The following HSPBAP1 variants were observed in gnomAD, a reference collection of about 807,000 sequenced individuals.
HSPBAP1 encodes HSPB1-associated protein 1.
In HSPBAP1, 27 loss-of-function variants were observed where a neutral mutation model predicts 45.2. The observed-to-expected ratio is 0.60, with a 90% CI of 0.44 to 0.82. The LOEUF (loss-of-function observed/expected upper bound fraction) is 0.82, where lower values mean the gene tolerates loss of function less well. HSPBAP1 is among the 40% of genes least tolerant of loss of function. The pLI, the probability that HSPBAP1 is intolerant of heterozygous loss-of-function variation, is 0.00. For missense variants in HSPBAP1, 510 were observed against 590.9 expected (o/e 0.86, Z 1.42); for synonymous variants, 204 against 202.7 (o/e 1.01, Z -0.06).
intron 1 of HSPBAP1, among the ~76,000 whole-genome samples, chr3:122,780,691 G>A (rs1452486396): frequency 1.5e-4 from 20 of 134,720 alleles, no homozygotes; most frequent in African/African-American, 2.6e-4. Context: ...GGTGGCTGCC[G>A]GGCGGAGAGG....
intron 1 of HSPBAP1, among the ~76,000 whole-genome samples, chr3:122,783,388 C>A (rs1055512238): frequency 2.0e-5 from 3 of 152,114 alleles, no homozygotes; most frequent in African/African-American, 7.2e-5. Context: ...GCCTGGATTC[C>A]GCGTGTATGA....
At chr3:122,781,377 AC>A (rs1308345942) in intron 1 of HSPBAP1, among the ~76,000 whole-genome samples, 1 of 152,098 alleles carries the variant, frequency 6.6e-6, no homozygotes, top group Non-Finnish European at 1.5e-5. Flanking sequence ...ACACAGCGAA[AC>A]CCCGTCTCCA....
At chr3:122,771,858 C>A (rs1396208818) in intron 2 of HSPBAP1, among the ~76,000 whole-genome samples, 1 of 152,178 alleles carries the variant, frequency 6.6e-6, no homozygotes, top group Non-Finnish European at 1.5e-5. Context: ...AGACCTAAGA[C>A]CTAAAACAGA....
Position 122,740,594 on chromosome 3 carries a change from T to A in HSPBAP1, c.1218A>T (p.Arg406Ser), listed in dbSNP as rs1560100175. The change falls in exon 8 of 8, where the codon AGA (arginine) becomes AGT (serine). Residue 406 changes from arginine to serine, a missense_variant. Physicochemically the swap from Arg to Ser is moderately radical, Grantham distance 110. Coordinates refer to ENST00000306103, the MANE Select transcript of HSPBAP1 (RefSeq NM_024610.6). The part of the protein sequence containing the change: ...AQRSEEPPSE[R>S]GGIFGSDGKD... ...TCCCATCACTTCCAAATATGCCTCC[T>A]CTTTCTGAAGGCGGTTCTTCGGACC... The A allele has an allele frequency of 6.2e-7, 1 of 1,614,232 alleles. No individual in the cohort carries two copies. The highest frequency in any genetic ancestry group is 8.5e-7 in the Non-Finnish European group (1 of 1,180,042).
chr3:122,746,598 C>T (rs1365527892), intron 6 of HSPBAP1, among the ~76,000 whole-genome samples: 1 of 151,640 alleles, frequency 6.6e-6, no homozygotes, highest in African/African-American at 2.4e-5. Flanking sequence ...AAAATTAGAT[C>T]TCAGCTCTCT....
chr3:122,743,767 C>G (rs1933753444), intron 6 of HSPBAP1, among the ~76,000 whole-genome samples: 2 of 152,116 alleles, frequency 1.3e-5, no homozygotes, highest in African/African-American at 4.8e-5. Flanking sequence ...TGTGACAAAA[C>G]TTTTTTGTTT....
intron 6 of HSPBAP1, among the ~76,000 whole-genome samples, chr3:122,743,090 T>A (rs1486993566): frequency 5.9e-5 from 9 of 152,230 alleles, no homozygotes; most frequent in Non-Finnish European, 1.2e-4. Flanking sequence ...AACATTAGAT[T>A]CATTATATAC....
chr3:122,780,751 T>G, intron 1 of HSPBAP1, among the ~76,000 whole-genome samples: 1 of 150,458 alleles, frequency 6.6e-6, no homozygotes, highest in Non-Finnish European at 1.5e-5. Flanking sequence ...GCTCCTCACT[T>G]CTCAGACGGG....
At chr3:122,747,920 G>A (rs1933968563) in intron 6 of HSPBAP1, among the ~76,000 whole-genome samples, 1 of 152,234 alleles carries the variant, frequency 6.6e-6, no homozygotes, top group Non-Finnish European at 1.5e-5. Context: ...GATGACAATG[G>A]CGGTTTTGTG....
intron 6 of HSPBAP1, among the ~76,000 whole-genome samples, chr3:122,741,992 A>G (rs1484125909): frequency 6.6e-6 from 1 of 152,080 alleles, no homozygotes; most frequent in Non-Finnish European, 1.5e-5. Flanking sequence ...TGTATACCCT[A>G]TGGACCAGCA....
chr3:122,769,457 A>G (rs1034319391), intron 2 of HSPBAP1, among the ~76,000 whole-genome samples: 6 of 152,212 alleles, frequency 3.9e-5, no homozygotes, highest in African/African-American at 1.4e-4. Flanking sequence ...GTATGACTCC[A>G]ATGAGTCAAG....
At position 122,753,396 on chromosome 3, in the gene HSPBAP1, A is replaced by G. The variant is rs909903796; in HGVS notation, c.742-722T>C. 12 of 570,218 alleles carry G rather than the reference A, an allele frequency of 2.1e-5. No individual in the cohort carries two copies. The Admixed American group carries it at 7.6e-4, about 36-fold the overall frequency. 35.3% of individuals were successfully genotyped at this position (570,218 alleles called of 1,614,324 possible). On this transcript the variant is annotated intron_variant, in intron 5 of 7. Coordinates refer to ENST00000306103, the MANE Select transcript of HSPBAP1 (RefSeq NM_024610.6). ...TTAGGGACAGCGGACTTCAGAATCT[A>G]GATTTTATCTGGTAGGCACTAGGAG...
intron 1 of HSPBAP1, among the ~76,000 whole-genome samples, chr3:122,778,766 G>A (rs547481267): frequency 3.9e-5 from 6 of 152,154 alleles, no homozygotes; most frequent in African/African-American, 1.4e-4. Flanking sequence ...TCCTGACCTC[G>A]TGATCCACCT....
intron 6 of HSPBAP1, among the ~76,000 whole-genome samples, chr3:122,744,900 A>G (rs900125908): frequency 6.6e-6 from 1 of 152,232 alleles, no homozygotes; most frequent in Non-Finnish European, 1.5e-5. Context: ...TAGGCAATCA[A>G]TTGATATAAT....
chr3:122,754,603 C>T (rs928249033), intron 5 of HSPBAP1: 4 of 984,050 alleles, frequency 4.1e-6, no homozygotes, highest in Admixed American at 6.2e-5. Flanking sequence ...GGATGGAAGA[C>T]AGGCAAGGGA....
At chr3:122,767,753 A>G (rs1175702237) in intron 3 of HSPBAP1, among the ~76,000 whole-genome samples, 1 of 152,208 alleles carries the variant, frequency 6.6e-6, no homozygotes, top group Non-Finnish European at 1.5e-5. Context: ...TCTTGACTCA[A>G]CATAAAAAAG....
intron 1 of HSPBAP1, among the ~76,000 whole-genome samples, chr3:122,780,000 C>A (rs1935356024): frequency 6.6e-6 from 1 of 152,172 alleles, no homozygotes; most frequent in Non-Finnish European, 1.5e-5. Context: ...GTCATCATGG[C>A]CCGTTCTCAA....
intron 6 of HSPBAP1, among the ~76,000 whole-genome samples, chr3:122,747,261 C>T (rs1230901994): frequency 2.0e-5 from 3 of 150,462 alleles, no homozygotes; most frequent in East Asian, 2.0e-4. Context: ...CGTCTCTGCC[C>T]GGCCGCCCAT....
At chr3:122,783,397 G>GA in intron 1 of HSPBAP1, among the ~76,000 whole-genome samples, 1 of 152,258 alleles carries the variant, frequency 6.6e-6, no homozygotes, top group Admixed American at 6.5e-5. Flanking sequence ...CCGCGTGTAT[G>GA]AAAATGAACA....
Sources: gnomAD v4.1 joint callset for allele counts (sites outside exome capture counted in the v4.1 genomes callset) on GRCh38, gnomAD v4.1.1 for gene constraint, MANE v1.5 for transcripts, NCBI Gene and HGNC (gene_info 2026-07-23, HGNC 2026-07-21) for gene names.